Variants in BCAR1 observed in about 807,000 individuals in gnomAD.
The protein encoded by BCAR1 is breast cancer anti-estrogen resistance protein 1.
Under a neutral mutation model 67.6 loss-of-function variants are expected in BCAR1, and 30 were observed. The observed-to-expected ratio is 0.44, with a 90% CI of 0.33 to 0.60. The LOEUF is 0.60. BCAR1 is among the 20% of genes least tolerant of loss of function. The pLI, the probability that BCAR1 is intolerant of heterozygous loss-of-function variation, is 0.02. For synonymous variants in BCAR1, 626 were observed against 556.7 expected (o/e 1.12, Z -1.75); for missense variants, 1,313 against 1,222.3 (o/e 1.07, Z -1.11).
chr16:75,257,645 G>C (rs141418642), intron 1 of BCAR1, among the ~76,000 whole-genome samples: 1 of 152,174 alleles, frequency 6.6e-6, no homozygotes, highest in African/African-American at 2.4e-5. Context: ...TGTAGAAATG[G>C]GGTTTCACTA....
chr16:75,232,220 G>T (rs2076924563), intron 6 of BCAR1, among the ~76,000 whole-genome samples: 1 of 151,734 alleles, frequency 6.6e-6, no homozygotes, highest in Non-Finnish European at 1.5e-5. Context: ...GAGTGCAGTG[G>T]CGCAATCTCG....
intron 1 of BCAR1, chr16:75,248,097 G>C (rs1168847784): frequency 6.3e-7 from 1 of 1,597,044 alleles, no homozygotes; most frequent in Non-Finnish European, 8.5e-7. Flanking sequence ...GAAGCTCCCT[G>C]ACAGCCCAGG....
At chr16:75,234,222 T>TG (rs11403464) in intron 5 of BCAR1, among the ~76,000 whole-genome samples, 132,754 of 150,898 alleles carry the variant, frequency 0.88, 58,844 homozygotes, top group East Asian at 1. Context: ...CTGGCATATG[T>TG]GGGACACAGC....
chr16:75,244,961 C>G (rs568011587), intron 1 of BCAR1, among the ~76,000 whole-genome samples: 1 of 152,326 alleles, frequency 6.6e-6, no homozygotes, highest in African/African-American at 2.4e-5. Context: ...TCCTGTTTTT[C>G]AGGAATGAGT....
chr16:75,266,019 G>GCCGCCCCCCCCACCGTCT (rs2078003589), intron 1 of BCAR1: 45 of 1,026,810 alleles, frequency 4.4e-5, no homozygotes, highest in Non-Finnish European at 5.1e-5. Context: ...CGCCGCCCGC[G>GCCGCCCCCCCCACCGTCT]CCGCCCCCCC....
At chr16:75,244,736 A>C (rs1232205807) in intron 1 of BCAR1, among the ~76,000 whole-genome samples, 1 of 152,240 alleles carries the variant, frequency 6.6e-6, no homozygotes, top group African/African-American at 2.4e-5. Context: ...GGCAGCTAGG[A>C]GAGGGCAGGC....
intron 1 of BCAR1, among the ~76,000 whole-genome samples, chr16:75,244,636 C>T (rs931533117): frequency 6.6e-6 from 1 of 152,194 alleles, no homozygotes; most frequent in Non-Finnish European, 1.5e-5. Context: ...CCCATTTCTC[C>T]AGAGCAGCTA....
rs78191500 is a variant in BCAR1, at chr16:75,234,463, G to A, written c.2010+426C>T. ...GGCCACCTGGTCCCTGCCCCTGGAT[G>A]CCTCTCTGGCCCAGCTCAGCCTGGA... On this transcript the variant is annotated intron_variant, in intron 5 of 6. Transcript: ENST00000162330. Among the ~76,000 whole-genome samples, 533 of 152,302 alleles carry A rather than the reference G, an allele frequency of 3.5e-3. 4 individuals carry two copies. Among genetic ancestry groups the A allele is most frequent in the African/African-American group, 8.7e-3 (361 of 41,570 alleles).
In BCAR1 at chr16:75,228,985, C is replaced by A. The variant is rs1276444568; in HGVS notation, c.*526G>T. 2 of 152,620 alleles carry A rather than the reference C, an allele frequency of 1.3e-5. No individual in the cohort carries two copies. Among genetic ancestry groups the A allele is most frequent in the Non-Finnish European group, 2.9e-5 (2 of 68,330 alleles). The allele number at this position is 152,620 out of a possible 1,614,324, so 9.5% of individuals were successfully genotyped here. On this transcript the variant is annotated 3_prime_UTR_variant, in exon 7 of 7. Transcript: ENST00000162330. The stretch of plus-strand genomic sequence containing the variant: ...TTGCCCCCGGGTGCCTTCCCCAGAA[C>A]CGTCACCCACCCCGGGCTGCTCTCA...
Position 75,229,142 on chromosome 16 carries a change from C to T in BCAR1, c.*369G>A. The T allele has an allele frequency of 4.4e-6, 1 of 228,044 alleles. No homozygotes were observed. The highest frequency in any genetic ancestry group is 8.5e-6 in the Non-Finnish European group (1 of 117,938). 14.1% of individuals were successfully genotyped at this position (228,044 alleles called of 1,614,324 possible). On this transcript the variant is annotated 3_prime_UTR_variant, in exon 7 of 7. Coordinates refer to ENST00000162330, the MANE Select transcript of BCAR1 (RefSeq NM_014567.5). Reference sequence around the variant, plus strand: ...TTCTCCTGGTAAGGCGGAGGACACACCAAACTGCACTGGCCCTGTCAGGGG... The same window carrying T: ...TTCTCCTGGTAAGGCGGAGGACACATCAAACTGCACTGGCCCTGTCAGGGG...
At chr16:75,255,238 C>A (rs894638463), upstream of BCAR1, among the ~76,000 whole-genome samples, 6 of 152,234 alleles carry the variant, frequency 3.9e-5, no homozygotes, top group African/African-American at 1.4e-4. Flanking sequence ...CCCTCCCCTC[C>A]TGAAGCCTCG....
chr16:75,235,406 T>C lies in BCAR1; in HGVS notation c.1493A>G (p.Glu498Gly), dbSNP rs746053585. Residue 498 changes from glutamate to glycine, a missense_variant, in exon 5 of 7, where the codon GAG (glutamate) becomes GGG (glycine). Transcript: ENST00000162330. ...AGCCTGCAGGTCCTGCACCAGCGGC[T>C]CCTGTGGCTCAGAGGGGCTACGCCA... ...GSWRSPSEPQ[E>G]PLVQDLQAAV... 1.2e-6 allele frequency: 2 copies of C among 1,607,730 alleles called. No homozygotes were observed. The highest frequency in any genetic ancestry group is 1.7e-6 in the Non-Finnish European group (2 of 1,179,000).
upstream of BCAR1, among the ~76,000 whole-genome samples, chr16:75,254,632 A>G (rs1567620929): frequency 6.6e-6 from 1 of 152,206 alleles, no homozygotes; most frequent in African/African-American, 2.4e-5. Flanking sequence ...CGCCCTGAAT[A>G]AGGAGGAGCT....
chr16:75,256,767 G>C (rs149785618), intron 1 of BCAR1, among the ~76,000 whole-genome samples: 3 of 152,002 alleles, frequency 2.0e-5, no homozygotes. Flanking sequence ...GAGGCTCTCC[G>C]CCCACCCCAG....
intron 1 of BCAR1, among the ~76,000 whole-genome samples, chr16:75,258,893 C>T (rs8055966): frequency 0.23 from 35,442 of 151,988 alleles, 5,232 homozygotes; most frequent in Admixed American, 0.34. Context: ...GGAGTGTCTG[C>T]CTGGAGGGGT....
At chr16:75,256,751 C>T (rs1381323044) in intron 1 of BCAR1, among the ~76,000 whole-genome samples, 1 of 152,224 alleles carries the variant, frequency 6.6e-6, no homozygotes, top group African/African-American at 2.4e-5. Context: ...CCCAGGGTGC[C>T]GTTCAGAGGC....
At chr16:75,251,796 C>T (rs557877350), upstream of BCAR1, 549 of 526,694 alleles carry the variant, frequency 1.0e-3, 2 homozygotes, top group African/African-American at 0.011. Context: ...CCCCGCCCCC[C>T]ACCTCCAACC....
chr16:75,251,085 G>A (rs2077666356), intron 1 of BCAR1: 3 of 682,856 alleles, frequency 4.4e-6, no homozygotes, highest in Non-Finnish European at 5.5e-6. Context: ...CGGACCACCC[G>A]CCAGAGGCTC....
chr16:75,257,326 G>A (rs938737797), intron 1 of BCAR1, among the ~76,000 whole-genome samples: 9 of 152,152 alleles, frequency 5.9e-5, no homozygotes, highest in African/African-American at 1.9e-4. Context: ...ATACCCACCC[G>A]GCCACTCTGC....
Sources: gnomAD v4.1 joint callset for allele counts (sites outside exome capture counted in the v4.1 genomes callset) on GRCh38, gnomAD v4.1.1 for gene constraint, MANE v1.5 for transcripts, NCBI Gene and HGNC (gene_info 2026-07-23, HGNC 2026-07-21) for gene names.